The following CSMD1 variants were observed in gnomAD, a reference collection of about 807,000 sequenced individuals.
CSMD1 encodes the protein CUB and Sushi multiple domains 1, also known as CUB and sushi domain-containing protein 1.
A neutral mutation model predicts 417.5 loss-of-function variants in CSMD1; 213 were observed. The observed-to-expected ratio is 0.51, with a 90% CI of 0.46 to 0.57. CSMD1 has a LOEUF of 0.57. CSMD1 is among the 20% of genes least tolerant of loss of function. The pLI is 0.00. For synonymous variants in CSMD1, 2,862 were observed against 1,736.8 expected (o/e 1.65, Z -16.11); for missense variants, 6,923 against 4,529.7 (o/e 1.53, Z -15.17).
At chr8:3,782,669 G>C (rs367981088) in intron 5 of CSMD1, among the ~76,000 whole-genome samples, 6 of 152,306 alleles carry the variant, frequency 3.9e-5, no homozygotes, top group African/African-American at 1.2e-4. Context: ...TATATTCTCA[G>C]AGTCAACAAT....
intron 10 of CSMD1, among the ~76,000 whole-genome samples, chr8:3,522,315 G>C (rs922215705): frequency 6.6e-6 from 1 of 152,290 alleles, no homozygotes; most frequent in African/African-American, 2.4e-5. Flanking sequence ...AAAAAGAGGA[G>C]AGGAAATTGT....
chr8:3,956,521 A>G (rs1471512239), intron 5 of CSMD1, among the ~76,000 whole-genome samples: 2 of 152,326 alleles, frequency 1.3e-5, no homozygotes, highest in African/African-American at 4.8e-5. Context: ...GACAGGTGGA[A>G]ACTCAGTAAA....
chr8:3,097,104 C>G (rs1316292877), intron 46 of CSMD1, 67 bp from the exon 47 acceptor site: 1 of 1,266,290 alleles, frequency 7.9e-7, no homozygotes, highest in Non-Finnish European at 1.1e-6. Flanking sequence ...AGGATAGTTT[C>G]TATCCCTGTA....
In CSMD1 at chr8:4,593,483, A is replaced by C. The variant is rs189295559; in HGVS notation, c.302+43859T>G. Among the ~76,000 whole-genome samples the C allele has an allele frequency of 4.6e-5, 7 of 152,320 alleles. No individual in the cohort carries two copies. In the East Asian group the frequency reaches 1.4e-3, roughly 29 times the overall value. On this transcript the variant is annotated intron_variant, in intron 2 of 69. Transcript: ENST00000635120. The stretch of plus-strand genomic sequence containing the variant: ...ATTTAGTGAAAGTGAAACATAAAAG[A>C]GAACGCTTTTAGAGTCTTGGATTAT...
intron 3 of CSMD1, among the ~76,000 whole-genome samples, chr8:4,214,055 CAATA>C (rs1186773671): frequency 1.3e-5 from 2 of 152,176 alleles, no homozygotes; most frequent in Non-Finnish European, 2.9e-5. Context: ...GCAAAATGAT[CAATA>C]AATATCTGAC....
intron 7 of CSMD1, among the ~76,000 whole-genome samples, chr8:3,702,459 G>A (rs1041236076): frequency 6.6e-6 from 1 of 152,234 alleles, no homozygotes; most frequent in Non-Finnish European, 1.5e-5. Flanking sequence ...CACATTGAGA[G>A]CTGCTAAAAC....
At chr8:4,781,093 C>G (rs1162668233) in intron 1 of CSMD1, among the ~76,000 whole-genome samples, 5 of 152,196 alleles carry the variant, frequency 3.3e-5, no homozygotes, top group Admixed American at 2.6e-4. Context: ...AAGATACACT[C>G]TCATCTTCTG....
chr8:4,752,868 C>T (rs1039063612), intron 1 of CSMD1, among the ~76,000 whole-genome samples: 4 of 152,178 alleles, frequency 2.6e-5, no homozygotes, highest in Admixed American at 2.0e-4. Flanking sequence ...GGCAGATCAG[C>T]ATGTCTTTTC....
chr8:4,650,927 G>A (rs958284589), intron 1 of CSMD1, among the ~76,000 whole-genome samples: 3 of 152,124 alleles, frequency 2.0e-5, no homozygotes, highest in Non-Finnish European at 4.4e-5. Context: ...TATTTGCCTT[G>A]CTTTAACCAT....
At chr8:4,798,375 T>G (rs1585116752) in intron 1 of CSMD1, among the ~76,000 whole-genome samples, 1 of 152,194 alleles carries the variant, frequency 6.6e-6, no homozygotes, top group Non-Finnish European at 1.5e-5. Context: ...TATTCCATGG[T>G]GTATATGTGC....
intron 3 of CSMD1, among the ~76,000 whole-genome samples, chr8:4,072,679 C>A (rs1044072821): frequency 6.6e-6 from 1 of 152,154 alleles, no homozygotes; most frequent in Non-Finnish European, 1.5e-5. Flanking sequence ...CTGTGGATCT[C>A]CTAGAATGAT....
intron 45 of CSMD1, chr8:3,106,889 G>C (rs1327253932): frequency 5.8e-6 from 2 of 341,998 alleles, no homozygotes; most frequent in Non-Finnish European, 1.1e-5. Flanking sequence ...CTTGACTGAG[G>C]CATCCGTGTT....
Position 4,177,322 on chromosome 8 carries a change from G to C in CSMD1, c.416-145223C>G, listed in dbSNP as rs202203990. On this transcript the variant is annotated intron_variant, in intron 3 of 69. Transcript: ENST00000635120. ...CATGGAAACTGAACAACCTGCTCCT[G>C]AATGAATACTGGGTACATAACGAAA... Among the ~76,000 whole-genome samples, 4 of 152,188 alleles carry C rather than the reference G, an allele frequency of 2.6e-5. No homozygotes were observed. The East Asian group carries it at 7.8e-4, about 30-fold the overall frequency.
In CSMD1 at chr8:3,284,151, C is replaced by T; in HGVS notation, c.4146G>A (p.Gln1382=). 2 of 1,563,332 alleles carry T rather than the reference C, an allele frequency of 1.3e-6. No individual in the cohort carries two copies. Among genetic ancestry groups the T allele is most frequent in the Non-Finnish European group, 1.7e-6 (2 of 1,153,980 alleles). Residue 1382 remains glutamine (Q), a synonymous_variant, in exon 26 of 70, where the codon CAG becomes CAA. Coordinates refer to ENST00000635120, the MANE Select transcript of CSMD1 (RefSeq NM_033225.6). ...GCACGCTGTGCCACCTACTGGAGAA[C>T]TGGATGGAGAAGCCAGACTTGCTGA... ...FFISKSGFSI[Q]FSTSIAATCN... is the part of the protein sequence containing the mutation.
At chr8:3,716,870 A>G (rs558111967) in intron 6 of CSMD1, among the ~76,000 whole-genome samples, 1 of 151,684 alleles carries the variant, frequency 6.6e-6, no homozygotes, top group Non-Finnish European at 1.5e-5. Context: ...ATCAAGAGTA[A>G]TAGTTTTAAA....
chr8:3,231,972 C>CT (rs1334514256), intron 26 of CSMD1, among the ~76,000 whole-genome samples: 1 of 152,188 alleles, frequency 6.6e-6, no homozygotes, highest in East Asian at 1.9e-4. Context: ...TCACCACTCT[C>CT]TTTCTCTCAA....
At chr8:4,142,538 A>G (rs9314519) in intron 3 of CSMD1, among the ~76,000 whole-genome samples, 46,956 of 151,028 alleles carry the variant, frequency 0.31, 8,214 homozygotes, top group Middle Eastern at 0.43. Context: ...GTTTAGCAAC[A>G]TGTTCAGACA....
At chr8:3,455,420 G>C (rs1240872243) in intron 12 of CSMD1, among the ~76,000 whole-genome samples, 1 of 152,162 alleles carries the variant, frequency 6.6e-6, no homozygotes, top group Non-Finnish European at 1.5e-5. Context: ...TTTCTGCTCT[G>C]TTTTTTCCCC....
At position 4,809,840 on chromosome 8, in the gene CSMD1, C is replaced by G. The variant is rs537890545; in HGVS notation, c.86-172282G>C. Among the ~76,000 whole-genome samples the G allele has an allele frequency of 3.3e-5, 5 of 152,260 alleles. No homozygotes were observed. The South Asian group carries it at 1.0e-3, about 32-fold the overall frequency. On this transcript the variant is annotated intron_variant, in intron 1 of 69. Coordinates refer to ENST00000635120, the MANE Select transcript of CSMD1 (RefSeq NM_033225.6). ...ATATCATTGTGGACCACCTGCATGT[C>G]TACAACTCAACAGCCACATGGGGCA...
Sources: gnomAD v4.1 joint callset for allele counts (sites outside exome capture counted in the v4.1 genomes callset) on GRCh38, gnomAD v4.1.1 for gene constraint, MANE v1.5 for transcripts, NCBI Gene and HGNC (gene_info 2026-07-23, HGNC 2026-07-21) for gene names.